Variants in SUGCT observed in about 807,000 individuals in gnomAD.
The protein encoded by SUGCT is succinyl-CoA:glutarate CoA-transferase.
A neutral mutation model predicts 55.0 loss-of-function variants in SUGCT; 41 were observed. The ratio of observed to expected loss-of-function variants is 0.74; its 90% CI spans 0.58 to 0.97. The LOEUF is 0.97. SUGCT is among the 50% of genes least tolerant of loss of function. The pLI is 0.00. For missense variants in SUGCT, 568 were observed against 547.8 expected, an observed-to-expected ratio of 1.04 and a Z score of -0.37; for synonymous variants, 187 against 200.4, an observed-to-expected ratio of 0.93 and a Z score of 0.56.
chr7:40,484,884 G>A (rs1406518781), intron 11 of SUGCT, among the ~76,000 whole-genome samples: 2 of 152,022 alleles, frequency 1.3e-5, no homozygotes, highest in East Asian at 3.9e-4. Flanking sequence ...GTAGAAGGTG[G>A]TGATTAACAC....
chr7:40,288,751 C>A (rs1177820530), intron 8 of SUGCT, among the ~76,000 whole-genome samples: 2 of 151,588 alleles, frequency 1.3e-5, no homozygotes, highest in African/African-American at 2.4e-5. Context: ...AAATATTTTC[C>A]TTTCAAAATG....
the SUGCT span, among the ~76,000 whole-genome samples, chr7:41,031,580 G>A: frequency 2.0e-5 from 3 of 152,136 alleles, no homozygotes; most frequent in African/African-American, 7.2e-5. Context: ...CTGGACAAGG[G>A]CATCACGATC....
In SUGCT at chr7:40,591,293, A is replaced by T. The variant is rs115084245; in HGVS notation, c.1089+94907A>T. ...ACCTCAGTAGAGGAAGTAACTGCAG[A>T]TGTGGTGGAAATAACAGAGGATTAA... On this transcript the variant is annotated intron_variant, in intron 12 of 13. Coordinates refer to ENST00000335693, the MANE Select transcript of SUGCT (RefSeq NM_001193313.2). Among the ~76,000 whole-genome samples, 431 of 152,314 alleles carry T rather than the reference A, an allele frequency of 2.8e-3. 3 individuals carry two copies. Among genetic ancestry groups the T allele is most frequent in the African/African-American group, 9.8e-3 (406 of 41,570 alleles).
intron 1 of SUGCT, among the ~76,000 whole-genome samples, chr7:40,173,168 G>A (rs1041532195): frequency 9.9e-5 from 15 of 152,222 alleles, no homozygotes; most frequent in Non-Finnish European, 2.1e-4. Flanking sequence ...GTTAGAAGCC[G>A]TGGGTCACGG....
chr7:40,320,000 T>A (rs998502976), intron 9 of SUGCT, among the ~76,000 whole-genome samples: 5 of 151,944 alleles, frequency 3.3e-5, no homozygotes, highest in African/African-American at 9.7e-5. Flanking sequence ...TTCAGATTTT[T>A]AAAAAAAAGT....
intron 6 of SUGCT, among the ~76,000 whole-genome samples, chr7:40,224,207 G>T (rs549408600): frequency 6.6e-6 from 1 of 152,208 alleles, no homozygotes; most frequent in East Asian, 1.9e-4. Context: ...CATTCATTTT[G>T]TAAAAAATGT....
chr7:40,944,234 T>C, the SUGCT span, among the ~76,000 whole-genome samples: 1 of 152,034 alleles, frequency 6.6e-6, no homozygotes, highest in Non-Finnish European at 1.5e-5. Context: ...ATAGGTTGCC[T>C]GTTCACTCTG....
chr7:40,905,715 TC>T, the SUGCT span, among the ~76,000 whole-genome samples: 390 of 151,882 alleles, frequency 2.6e-3, 3 homozygotes, highest in African/African-American at 6.9e-3. Context: ...ATTTTTTTTT[TC>T]TTTTTTTTTT....
In SUGCT at chr7:40,455,133, T is replaced by C. The variant is rs536139351; in HGVS notation, c.889-3968T>C. On this transcript the variant is annotated intron_variant, in intron 10 of 13. Coordinates refer to ENST00000335693, the MANE Select transcript of SUGCT (RefSeq NM_001193313.2). ...TTGTAGTAAGTTTGCTATATTCCAC[T>C]TGAAGTGGTAAAATTTTGATTCTAA... 1.8e-4 allele frequency among the ~76,000 whole-genome samples: 28 copies of C among 152,264 alleles called. No individual in the cohort carries two copies. The South Asian group carries it at 5.6e-3, about 30-fold the overall frequency.
At chr7:40,551,493 A>G (rs1364928754) in intron 12 of SUGCT, among the ~76,000 whole-genome samples, 4 of 152,198 alleles carry the variant, frequency 2.6e-5, no homozygotes. Context: ...AATCACAGGG[A>G]AGTATACAAT....
chr7:40,271,943 G>C (rs1291856879), intron 7 of SUGCT, among the ~76,000 whole-genome samples: 4 of 151,212 alleles, frequency 2.6e-5, no homozygotes, highest in African/African-American at 9.7e-5. Flanking sequence ...TTGTCTTTCT[G>C]TGCTTGGCTT....
the SUGCT span, among the ~76,000 whole-genome samples, chr7:40,983,897 A>C: frequency 1.3e-5 from 2 of 152,172 alleles, no homozygotes; most frequent in Admixed American, 6.5e-5. Context: ...AATTTTGTCT[A>C]TCCTAAACAA....
intron 12 of SUGCT, among the ~76,000 whole-genome samples, chr7:40,597,563 T>C (rs554376677): frequency 5.9e-4 from 90 of 152,244 alleles, no homozygotes; most frequent in Non-Finnish European, 1.3e-3. Context: ...GGCTTTCTTA[T>C]AGAGGGGTGG....
the SUGCT span, among the ~76,000 whole-genome samples, chr7:40,930,398 A>G: frequency 0.012 from 1,868 of 152,328 alleles, 42 homozygotes; most frequent in African/African-American, 0.042. Context: ...TGTCTTGGCT[A>G]TGCAGGCTCT....
chr7:40,603,237 G>A (rs1380788716), intron 12 of SUGCT, among the ~76,000 whole-genome samples: 3 of 152,126 alleles, frequency 2.0e-5, no homozygotes, highest in African/African-American at 7.2e-5. Context: ...TGAATAATTG[G>A]ATGTTAAGAG....
chr7:40,350,036 G>A (rs78497677), intron 9 of SUGCT, among the ~76,000 whole-genome samples: 2,202 of 152,154 alleles, frequency 0.014, 45 homozygotes, highest in South Asian at 0.058. Flanking sequence ...TGAGTTATCA[G>A]TGGACCTCTG....
At chr7:40,307,269 T>G (rs967558284) in intron 8 of SUGCT, among the ~76,000 whole-genome samples, 2 of 152,200 alleles carry the variant, frequency 1.3e-5, no homozygotes, top group South Asian at 2.1e-4. Flanking sequence ...AGCAGAAAAC[T>G]TTGAATAAGT....
At chr7:40,819,406 C>T (rs553206264) in intron 13 of SUGCT, among the ~76,000 whole-genome samples, 1 of 152,276 alleles carries the variant, frequency 6.6e-6, no homozygotes, top group African/African-American at 2.4e-5. Flanking sequence ...TCTCCACATC[C>T]TCTCCAGCAC....
the SUGCT span, among the ~76,000 whole-genome samples, chr7:41,007,478 G>A: frequency 1.4e-4 from 21 of 152,332 alleles, 1 homozygote; most frequent in South Asian, 4.1e-3. Flanking sequence ...CTGGCCAAGA[G>A]TATTGTTCCT....
Sources: allele counts gnomAD v4.1 joint callset (sites outside exome capture counted in the v4.1 genomes callset), GRCh38; gene constraint gnomAD v4.1.1; transcripts MANE v1.5; gene names NCBI Gene and HGNC (gene_info 2026-07-23, HGNC 2026-07-21).